NKAIN2: variants seen among roughly 807,000 people sequenced by gnomAD.
NKAIN2 encodes sodium/potassium transporting ATPase interacting 2, also known as sodium/potassium-transporting ATPase subunit beta-1-interacting protein 2.
A neutral mutation model predicts 32.6 loss-of-function variants in NKAIN2; 14 were observed. The ratio of observed to expected loss-of-function variants is 0.43; its 90% confidence interval spans 0.28 to 0.67. The LOEUF (loss-of-function observed/expected upper bound fraction) is 0.67. Ranked by LOEUF, NKAIN2 falls within the 30% of genes least tolerant of loss-of-function variation. NKAIN2 has a pLI of 0.17. For synonymous variants in NKAIN2, 80 were observed against 87.2 expected (o/e 0.92, Z 0.46); for missense variants, 198 against 258.3 (o/e 0.77, Z 1.60).
chr6:124,166,699 G>A (rs1339080385), intron 1 of NKAIN2, among the ~76,000 whole-genome samples: 4 of 151,824 alleles, frequency 2.6e-5, no homozygotes, highest in Non-Finnish European at 5.9e-5. Flanking sequence ...TTTGTATAAG[G>A]TGTAAGGAAG....
intron 2 of NKAIN2, among the ~76,000 whole-genome samples, chr6:124,350,603 G>A (rs147430202): frequency 4.6e-5 from 7 of 152,238 alleles, no homozygotes; most frequent in Non-Finnish European, 7.4e-5. Flanking sequence ...TCATTAAAGG[G>A]GTTACACCAG....
chr6:124,672,002 G>A (rs1314264725), intron 4 of NKAIN2, among the ~76,000 whole-genome samples: 1 of 151,542 alleles, frequency 6.6e-6, no homozygotes, highest in Non-Finnish European at 1.5e-5. Flanking sequence ...CTGTCAATGA[G>A]CCCATTTTAA....
Position 124,339,198 on chromosome 6 carries a change from G to A in NKAIN2, c.193-16069G>A, listed in dbSNP as rs564626870. Among the ~76,000 whole-genome samples, 9 of 152,146 alleles carry A rather than the reference G, an allele frequency of 5.9e-5. No homozygotes were observed. In the East Asian group the frequency reaches 7.8e-4, roughly 13 times the overall value. The stretch of plus-strand genomic sequence containing the variant: ...TGTACTAAAAATACAAAAAGTAGCC[G>A]GGCGTGGTGGCGCGCACCTGTAGTC... On this transcript the variant is annotated intron_variant, in intron 2 of 6. Transcript: ENST00000368417.
intron 1 of NKAIN2, among the ~76,000 whole-genome samples, chr6:124,085,288 A>C (rs1166949814): frequency 6.6e-6 from 1 of 152,056 alleles, no homozygotes; most frequent in Admixed American, 6.6e-5. Flanking sequence ...GAATGTTGAG[A>C]ACTATAATTT....
At chr6:123,976,023 G>C (rs1778549783) in intron 1 of NKAIN2, among the ~76,000 whole-genome samples, 1 of 151,580 alleles carries the variant, frequency 6.6e-6, no homozygotes, top group South Asian at 2.1e-4. Flanking sequence ...CACAAGATCT[G>C]ATGGTTTTAT....
chr6:124,359,024 T>C (rs1302209433), intron 3 of NKAIN2, among the ~76,000 whole-genome samples: 5 of 151,934 alleles, frequency 3.3e-5, no homozygotes, highest in Non-Finnish European at 7.4e-5. Context: ...ATTTATTAAA[T>C]AGGGAATCCT....
intron 1 of NKAIN2, among the ~76,000 whole-genome samples, chr6:123,912,266 G>A (rs73773013): frequency 0.014 from 2,150 of 151,858 alleles, 51 homozygotes; most frequent in African/African-American, 0.049. Flanking sequence ...ATATTATCAT[G>A]TATTAAAAAT....
intron 1 of NKAIN2, among the ~76,000 whole-genome samples, chr6:123,884,260 C>T (rs1385888217): frequency 2.0e-5 from 3 of 152,092 alleles, no homozygotes; most frequent in African/African-American, 7.2e-5. Flanking sequence ...CAGCTCCATC[C>T]AGTCCGTGCA....
chr6:123,923,054 A>G (rs1775825378), intron 1 of NKAIN2, among the ~76,000 whole-genome samples: 1 of 151,912 alleles, frequency 6.6e-6, no homozygotes, highest in South Asian at 2.1e-4. Context: ...ACTTCCTTGC[A>G]TTTCATTTTC....
chr6:124,314,932 G>C (rs998024697), intron 2 of NKAIN2, among the ~76,000 whole-genome samples: 2 of 152,062 alleles, frequency 1.3e-5, no homozygotes, highest in African/African-American at 2.4e-5. Context: ...CTGGTGCCTA[G>C]TATCAATATT....
chr6:124,309,051 A>C (rs1373315536), intron 2 of NKAIN2, among the ~76,000 whole-genome samples: 1 of 152,150 alleles, frequency 6.6e-6, no homozygotes, highest in Non-Finnish European at 1.5e-5. Context: ...TTTACCTTTG[A>C]AATTTGACTC....
chr6:124,707,783 G>T (rs370981889), intron 4 of NKAIN2, among the ~76,000 whole-genome samples: 6 of 151,698 alleles, frequency 4.0e-5, no homozygotes, highest in Non-Finnish European at 8.8e-5. Flanking sequence ...TTCTCCCATT[G>T]TGTAGGTTGC....
intron 3 of NKAIN2, among the ~76,000 whole-genome samples, chr6:124,564,751 TTGATTAAATTCCTATAAGCCC>T (rs1186656576): frequency 6.6e-6 from 1 of 152,200 alleles, no homozygotes. Flanking sequence ...ATTGCACAAG[TTGATTAAATTCCTATAAGCCC>T]TGGAAACACT....
intron 3 of NKAIN2, among the ~76,000 whole-genome samples, chr6:124,409,193 C>A (rs187687794): frequency 6.6e-6 from 1 of 152,136 alleles, no homozygotes; most frequent in African/African-American, 2.4e-5. Context: ...ATTTCCTTCT[C>A]CTGCCTGATT....
At chr6:124,598,597 G>C (rs1465319697) in intron 3 of NKAIN2, among the ~76,000 whole-genome samples, 2 of 151,280 alleles carry the variant, frequency 1.3e-5, no homozygotes, top group African/African-American at 2.4e-5. Context: ...AAGCTTGGAA[G>C]TACACCCCTT....
intron 4 of NKAIN2, among the ~76,000 whole-genome samples, chr6:124,713,958 A>G (rs1469859155): frequency 6.6e-6 from 1 of 152,194 alleles, no homozygotes; most frequent in Non-Finnish European, 1.5e-5. Flanking sequence ...TTGCTCATCT[A>G]GCAACTTTAA....
chr6:124,791,488 A>G, intron 5 of NKAIN2, 89 bp downstream of exon 5: 1 of 795,544 alleles, frequency 1.3e-6, no homozygotes, highest in East Asian at 2.5e-5. Context: ...CTCAGACAAG[A>G]TCCTACAACA....
intron 1 of NKAIN2, among the ~76,000 whole-genome samples, chr6:124,086,009 T>C (rs987836200): frequency 6.6e-6 from 1 of 151,980 alleles, no homozygotes; most frequent in African/African-American, 2.4e-5. Context: ...AAAATAACTT[T>C]CAGATCCCTC....
In NKAIN2 at chr6:124,530,952, C is replaced by T. The variant is rs1465057924; in HGVS notation, c.274-127234C>T. ...CAGTGGATTGGATGATGGCTGTCCA[C>T]GTTGGTACAGGCAGATTTTCTTTAC... On this transcript the variant is annotated intron_variant, in intron 3 of 6. Coordinates refer to ENST00000368417, the MANE Select transcript of NKAIN2 (RefSeq NM_001040214.3). Among the ~76,000 whole-genome samples the T allele has an allele frequency of 3.3e-5, 5 of 152,188 alleles. No homozygotes were observed. The East Asian group carries it at 7.7e-4, about 23-fold the overall frequency.
Sources: allele counts gnomAD v4.1 joint callset (sites outside exome capture counted in the v4.1 genomes callset), GRCh38; gene constraint gnomAD v4.1.1; transcripts MANE v1.5; gene names NCBI Gene and HGNC (gene_info 2026-07-23, HGNC 2026-07-21).